The following CRMP1 variants were observed in gnomAD, a reference collection of about 807,000 sequenced individuals.
CRMP1 encodes dihydropyrimidinase-related protein 1.
In CRMP1, 19 loss-of-function variants were observed where a neutral mutation model predicts 68.3. The observed-to-expected ratio is 0.28, with a 90% CI of 0.19 to 0.41. The LOEUF (loss-of-function observed/expected upper bound fraction) is 0.41, where lower values mean the gene tolerates loss of function less well. CRMP1 is among the 10% of genes least tolerant of loss of function. The pLI, the probability that CRMP1 is intolerant of heterozygous loss-of-function variation, is 1.00. For missense variants in CRMP1, 791 were observed against 967.4 expected (o/e 0.82, Z 2.42); for synonymous variants, 439 against 399.6 (o/e 1.10, Z -1.18).
At position 5,825,789 on chromosome 4, in the gene CRMP1, C is replaced by A; in HGVS notation, c.1804-130G>T. ...TCAAATGTGCATGCACACACACACA[C>A]AACACGCACACACGACAGGTGCACT... is the stretch of plus-strand genomic sequence containing the variant. On this transcript the variant is annotated intron_variant, in intron 12 of 13. Transcript: ENST00000324989. This position sits in a 1 kb window ranked among gnomAD's most constrained non-coding sequence, Gnocchi z 4.4. The A allele has an allele frequency of 1.3e-6, 1 of 782,414 alleles. No individual in the cohort carries two copies. Among genetic ancestry groups the A allele is most frequent in the East Asian group, 3.0e-5 (1 of 33,864 alleles). The allele number at this position is 782,414 out of a possible 1,614,324, so 48.5% of individuals were successfully genotyped here.
At chr4:5,875,070 G>C (rs1714716649) in intron 1 of CRMP1, among the ~76,000 whole-genome samples, 1 of 152,226 alleles carries the variant, frequency 6.6e-6, no homozygotes, top group South Asian at 2.1e-4. Flanking sequence ...ACTGGGAGGA[G>C]ACAGCTGACA....
At position 5,855,231 on chromosome 4, in the gene CRMP1, T is replaced by A. The variant is rs901738289; in HGVS notation, c.820+912A>T. ...TGGGGGTAGAACCAGAGGAAAACAA[T>A]TTTTTTCCTTCCATTTTCTGACTTT... On this transcript the variant is annotated intron_variant, in intron 4 of 13. Transcript: ENST00000324989. This position sits in a 1 kb window ranked among gnomAD's most constrained non-coding sequence, Gnocchi z 4.9. 3.9e-5 allele frequency among the ~76,000 whole-genome samples: 6 copies of A among 152,144 alleles called. No individual in the cohort carries two copies. The highest frequency in any genetic ancestry group is 1.4e-4 in the African/African-American group (6 of 41,430).
chr4:5,830,718 G>A (rs1031345951), intron 11 of CRMP1, among the ~76,000 whole-genome samples: 7 of 152,080 alleles, frequency 4.6e-5, no homozygotes, highest in South Asian at 2.1e-4. Context: ...TTTATGACAC[G>A]TTTTAATAAC....
chr4:5,848,006 C>T (rs1712346929), intron 6 of CRMP1, among the ~76,000 whole-genome samples: 1 of 152,150 alleles, frequency 6.6e-6, no homozygotes, highest in South Asian at 2.1e-4. Context: ...ACTTCTTTCT[C>T]TTCTTCCTCC....
rs976335053 is a variant in CRMP1 at position 5,860,283 on chromosome 4, A to G, written c.655+743T>C. ...GCAAGTTTCGGCCAGAACCCCCTGC[A>G]TTCTGCCATCCACCAGGAGAACAGA... On this transcript the variant is annotated intron_variant, in intron 3 of 13. Transcript: ENST00000324989. The surrounding 1 kb of genome is among the most constrained non-coding windows in gnomAD (Gnocchi z 4.2). 1.3e-5 allele frequency among the ~76,000 whole-genome samples: 2 copies of G among 152,178 alleles called. No homozygotes were observed. The highest frequency in any genetic ancestry group is 4.8e-5 in the African/African-American group (2 of 41,440).
intron 6 of CRMP1, 100 bp downstream of exon 6, chr4:5,849,292 C>T: frequency 1.1e-6 from 1 of 952,008 alleles, no homozygotes; most frequent in Non-Finnish European, 1.6e-6. Context: ...CTTGACCTTT[C>T]ATTGTACAGC....
chr4:5,864,586 G>C (rs1182628072), intron 2 of CRMP1, among the ~76,000 whole-genome samples: 1 of 152,072 alleles, frequency 6.6e-6, no homozygotes, highest in Non-Finnish European at 1.5e-5. Flanking sequence ...GGGGCCACGA[G>C]GCAAGGCCCT....
chr4:5,821,721 C>A lies in CRMP1; in HGVS notation c.*39G>T. The stretch of plus-strand genomic sequence containing the variant: ...GACAGGAAAAGGGATGGACATGATT[C>A]CCAGAATCCTTCAGGCTAGCTCCTC... On this transcript the variant is annotated 3_prime_UTR_variant, in exon 14 of 14. Transcript: ENST00000324989. This position sits in a 1 kb window ranked among gnomAD's most constrained non-coding sequence, Gnocchi z 4.4. 6.5e-7 allele frequency: 1 copy of A among 1,547,482 alleles called. No homozygotes were observed. Among genetic ancestry groups the A allele is most frequent in the South Asian group, 1.2e-5 (1 of 85,110 alleles).
chr4:5,849,491 G>A lies in CRMP1; in HGVS notation c.883-19C>T, dbSNP rs1712464553. ...CATAGAGCTATGGAGAGATAAACAG[G>A]GGTTGGTGTGAGATTTAAAAAAAAA... On this transcript the variant is annotated intron_variant, in intron 5 of 13. Coordinates refer to ENST00000324989, the MANE Select transcript of CRMP1 (RefSeq NM_001014809.3). 1.9e-6 allele frequency: 3 copies of A among 1,566,488 alleles called. No homozygotes were observed. Among genetic ancestry groups the A allele is most frequent in the South Asian group, 1.2e-5 (1 of 86,658 alleles).
At chr4:5,830,090 G>A (rs1271746171) in intron 11 of CRMP1, among the ~76,000 whole-genome samples, 3 of 152,212 alleles carry the variant, frequency 2.0e-5, no homozygotes, top group Non-Finnish European at 2.9e-5. Flanking sequence ...ATTTGCATCT[G>A]TGACTGAGAC....
In CRMP1 at chr4:5,870,270, C is replaced by T. The variant is rs1014336829; in HGVS notation, c.382-3514G>A. Among the ~76,000 whole-genome samples the T allele has an allele frequency of 6.6e-6, 1 of 152,230 alleles. No homozygotes were observed. Among genetic ancestry groups the T allele is most frequent in the African/African-American group, 2.4e-5 (1 of 41,470 alleles). Reference sequence around the variant, plus strand: ...ACCACCACCCTGCCAGCTGGCCCTACATCCCTTACCCGTTTATGTATTCAC... The same window carrying T: ...ACCACCACCCTGCCAGCTGGCCCTATATCCCTTACCCGTTTATGTATTCAC... On this transcript the variant is annotated intron_variant, in intron 1 of 13. Coordinates refer to ENST00000324989, the MANE Select transcript of CRMP1 (RefSeq NM_001014809.3). This position sits in a 1 kb window ranked among gnomAD's most constrained non-coding sequence, Gnocchi z 6.0.
rs1477849670 is a variant in CRMP1, at chr4:5,881,319, T to A, written c.381+11270A>T. ...GAGTTGTTTCTTCTCAGAGCAAAGC[T>A]ATGATTTGGTCATTACAGCTCTCTA... On this transcript the variant is annotated intron_variant, in intron 1 of 13. Transcript: ENST00000324989. This position sits in a 1 kb window ranked among gnomAD's most constrained non-coding sequence, Gnocchi z 4.6. Among the ~76,000 whole-genome samples, 1 of 152,236 alleles carries A rather than the reference T, an allele frequency of 6.6e-6. No individual in the cohort carries two copies. Among genetic ancestry groups the A allele is most frequent in the Non-Finnish European group, 1.5e-5 (1 of 68,044 alleles).
rs200245738 is a variant in CRMP1, at chr4:5,865,825, C to T, written c.470+843G>A. On this transcript the variant is annotated intron_variant, in intron 2 of 13. Transcript: ENST00000324989. The surrounding 1 kb of genome is among the most constrained non-coding windows in gnomAD (Gnocchi z 4.1). ...GCTGGAATCCAACAAAACTGGTGAC[C>T]TTAGAAGAAGAGACCCCAGGAGTGT... Among the ~76,000 whole-genome samples the T allele has an allele frequency of 6.6e-6, 1 of 151,976 alleles. No individual in the cohort carries two copies. Among genetic ancestry groups the T allele is most frequent in the East Asian group, 1.9e-4 (1 of 5,172 alleles).
intron 6 of CRMP1, 34 bp downstream of exon 6, chr4:5,849,358 T>G (rs1179422610): frequency 2.0e-6 from 3 of 1,535,020 alleles, no homozygotes; most frequent in Non-Finnish European, 2.7e-6. Flanking sequence ...AGAATCAGAC[T>G]GAGGTAGAAG....
At chr4:5,832,169 G>A (rs1720424002) in intron 11 of CRMP1, among the ~76,000 whole-genome samples, 1 of 152,236 alleles carries the variant, frequency 6.6e-6, no homozygotes, top group South Asian at 2.1e-4. Context: ...TAGGGAATGG[G>A]GGTGAGAGAG....
chr4:5,831,461 A>C (rs1049189191), intron 11 of CRMP1, among the ~76,000 whole-genome samples: 1 of 152,210 alleles, frequency 6.6e-6, no homozygotes, highest in Non-Finnish European at 1.5e-5. Context: ...GGACCCAGGC[A>C]GACAGTGCGT....
chr4:5,887,018 C>A (rs1577853044), intron 1 of CRMP1, among the ~76,000 whole-genome samples: 1 of 152,178 alleles, frequency 6.6e-6, no homozygotes, highest in Admixed American at 6.5e-5. Flanking sequence ...AGAGCTGGGG[C>A]GGATGCAGGA....
chr4:5,841,249 GCAGGA>G lies in CRMP1; in HGVS notation c.1153+54_1153+58del. On this transcript the variant is annotated intron_variant, in intron 8 of 13. Transcript: ENST00000324989. The surrounding 1 kb of genome is among the most constrained non-coding windows in gnomAD (Gnocchi z 6.9). ...TTCGGGAGGGAGTGAACTTGAACCTGCAGGACACCCCCTTCCAGGCCCCAGCTGCC... is the reference window on the plus strand; with the variant it reads ...TTCGGGAGGGAGTGAACTTGAACCTGCACCCCCTTCCAGGCCCCAGCTGCC... The G allele has an allele frequency of 6.2e-7, 1 of 1,612,884 alleles. No individual in the cohort carries two copies. The highest frequency in any genetic ancestry group is 1.3e-5 in the African/African-American group (1 of 74,988).
rs147341035 is a variant in CRMP1, at chr4:5,887,436, T to C, written c.381+5153A>G. The C allele has an allele frequency of 1.3e-4, 132 of 985,462 alleles. No individual in the cohort carries two copies. The African/African-American group carries it at 2.3e-3, about 17-fold the overall frequency. 61.0% of individuals were successfully genotyped at this position (985,462 alleles called of 1,614,324 possible). ...CCTCAGGAACAGTCAGGCTCCACGC[T>C]GATGCCAGGCAGGAACTGGGGCGGA... On this transcript the variant is annotated intron_variant, in intron 1 of 13. Coordinates refer to ENST00000324989, the MANE Select transcript of CRMP1 (RefSeq NM_001014809.3).
Sources: allele counts gnomAD v4.1 joint callset (sites outside exome capture counted in the v4.1 genomes callset), GRCh38; gene constraint gnomAD v4.1.1; non-coding constraint Gnocchi (gnomAD v3.1); transcripts MANE v1.5; gene names NCBI Gene and HGNC (gene_info 2026-07-23, HGNC 2026-07-21).